Variants in SDK1 observed in about 807,000 individuals in gnomAD.
SDK1 encodes the protein sidekick cell adhesion molecule 1.
SDK1 carries 157 observed loss-of-function variants against 245.5 expected under a neutral mutation model. The observed-to-expected ratio is 0.64, with a 90% CI of 0.56 to 0.73. SDK1 has a LOEUF of 0.73. Ranked by LOEUF, SDK1 falls within the 30% of genes least tolerant of loss-of-function variation. The pLI, the probability that SDK1 is intolerant of heterozygous loss-of-function variation, is 0.00. For synonymous variants in SDK1, 1,647 were observed against 1,278.5 expected, an observed-to-expected ratio of 1.29 and a Z score of -6.15; for missense variants, 3,583 against 3,002.3, an observed-to-expected ratio of 1.19 and a Z score of -4.52.
intron 1 of SDK1, among the ~76,000 whole-genome samples, chr7:3,384,773 A>C (rs10233684): frequency 6.6e-6 from 1 of 152,080 alleles, no homozygotes; most frequent in Non-Finnish European, 1.5e-5. Flanking sequence ...GTATACATCA[A>C]TATGTACATT....
intron 4 of SDK1, among the ~76,000 whole-genome samples, chr7:3,717,715 A>G (rs1037784442): frequency 2.0e-5 from 3 of 152,200 alleles, no homozygotes; most frequent in African/African-American, 7.2e-5. Context: ...CCAAAAACTC[A>G]ACCTATAGAT....
At chr7:3,356,046 G>A (rs765030903) in intron 1 of SDK1, among the ~76,000 whole-genome samples, 1 of 152,202 alleles carries the variant, frequency 6.6e-6, no homozygotes, top group African/African-American at 2.4e-5. Context: ...GTTGCTGACA[G>A]ATAACACGGT....
intron 17 of SDK1, among the ~76,000 whole-genome samples, chr7:4,018,160 A>G (rs1786571054): frequency 6.6e-6 from 1 of 152,212 alleles, no homozygotes; most frequent in African/African-American, 2.4e-5. Context: ...TACTGAGTCT[A>G]AAATCCTTTT....
intron 5 of SDK1, among the ~76,000 whole-genome samples, chr7:3,869,621 C>T (rs1162727410): frequency 6.6e-6 from 1 of 152,208 alleles, no homozygotes; most frequent in African/African-American, 2.4e-5. Flanking sequence ...TTGCTCAGCA[C>T]TCGGCTTCCA....
intron 4 of SDK1, among the ~76,000 whole-genome samples, chr7:3,665,669 G>C (rs1783508214): frequency 6.6e-6 from 1 of 152,098 alleles, no homozygotes; most frequent in Non-Finnish European, 1.5e-5. Flanking sequence ...GTAGTATTTC[G>C]TGGTGACTGC....
chr7:4,197,369 T>C (rs1413609644), intron 35 of SDK1, among the ~76,000 whole-genome samples: 14 of 152,198 alleles, frequency 9.2e-5, no homozygotes, highest in African/African-American at 3.4e-4. Context: ...ATGCCTTTAG[T>C]TCCAGCTACT....
At chr7:3,775,077 C>T (rs779274687) in intron 4 of SDK1, among the ~76,000 whole-genome samples, 6 of 152,194 alleles carry the variant, frequency 3.9e-5, no homozygotes, top group Non-Finnish European at 7.3e-5. Flanking sequence ...TGTTGTCCCA[C>T]TCCTGTTCCT....
At chr7:4,138,759 A>AG (rs1227013530) in intron 28 of SDK1, among the ~76,000 whole-genome samples, 32 of 151,588 alleles carry the variant, frequency 2.1e-4, no homozygotes, top group African/African-American at 4.8e-4. Context: ...AAAAAAAAAA[A>AG]AGAGAGAGAA....
At chr7:3,763,399 A>G (rs990834655) in intron 4 of SDK1, among the ~76,000 whole-genome samples, 1 of 152,220 alleles carries the variant, frequency 6.6e-6, no homozygotes, top group Non-Finnish European at 1.5e-5. Flanking sequence ...GTGAACATCC[A>G]TATACTCACC....
intron 5 of SDK1, among the ~76,000 whole-genome samples, chr7:3,840,670 G>A (rs1780134394): frequency 2.0e-5 from 3 of 152,202 alleles, no homozygotes; most frequent in African/African-American, 7.2e-5. Flanking sequence ...TGATACTGCG[G>A]TTCACGGACA....
intron 4 of SDK1, among the ~76,000 whole-genome samples, chr7:3,689,666 G>T (rs968437279): frequency 6.6e-6 from 1 of 152,170 alleles, no homozygotes. Flanking sequence ...CTAGGCCTCA[G>T]ATTTCCTCTC....
At chr7:4,108,422 C>T (rs919749126) in intron 22 of SDK1, among the ~76,000 whole-genome samples, 1 of 150,704 alleles carries the variant, frequency 6.6e-6, no homozygotes, top group African/African-American at 2.5e-5. Flanking sequence ...AACTGGCTCA[C>T]TTTGGCTGAA....
In SDK1 at chr7:3,724,703, C is replaced by T. The variant is rs140454018; in HGVS notation, c.713+82598C>T. On this transcript the variant is annotated intron_variant, in intron 4 of 44. Transcript: ENST00000404826. ...TCTTCCATGAGGTGATTCAGAGACA[C>T]GGGCTGCTTGGGTCCTGCAGTTGTA... 2.8e-4 allele frequency among the ~76,000 whole-genome samples: 43 copies of T among 152,322 alleles called. No individual in the cohort carries two copies. In the East Asian group the frequency reaches 6.2e-3, roughly 22 times the overall value.
intron 3 of SDK1, among the ~76,000 whole-genome samples, chr7:3,640,049 A>G (rs1018543636): frequency 6.6e-6 from 1 of 151,898 alleles, no homozygotes; most frequent in Non-Finnish European, 1.5e-5. Context: ...TAGGGGAGGG[A>G]TCGCACTGCA....
chr7:4,192,572 G>C (rs1048392071), intron 35 of SDK1, among the ~76,000 whole-genome samples: 8 of 152,200 alleles, frequency 5.3e-5, no homozygotes, highest in African/African-American at 1.9e-4. Context: ...ACCGTGCCCA[G>C]CCAGTAAAGT....
intron 4 of SDK1, among the ~76,000 whole-genome samples, chr7:3,727,361 G>C (rs981166936): frequency 3.9e-5 from 6 of 152,146 alleles, no homozygotes; most frequent in Non-Finnish European, 7.4e-5. Flanking sequence ...CTGTATTCTG[G>C]AGAGAAAGTC....
intron 1 of SDK1, among the ~76,000 whole-genome samples, chr7:3,535,953 A>G (rs1778873015): frequency 6.6e-6 from 1 of 152,088 alleles, no homozygotes; most frequent in Admixed American, 6.5e-5. Flanking sequence ...ACTAGTCAAT[A>G]TCTAGTACTA....
intron 17 of SDK1, among the ~76,000 whole-genome samples, chr7:4,033,562 A>C (rs1787990906): frequency 6.6e-6 from 1 of 152,228 alleles, no homozygotes; most frequent in Non-Finnish European, 1.5e-5. Flanking sequence ...AAATCTTTGC[A>C]GTTTATATCC....
intron 4 of SDK1, among the ~76,000 whole-genome samples, chr7:3,723,664 G>A (rs1778894787): frequency 2.0e-5 from 3 of 151,114 alleles, no homozygotes; most frequent in Admixed American, 1.3e-4. Flanking sequence ...AAAGTTGTGT[G>A]TGTGTGTGTG....
Sources: gnomAD v4.1 joint callset for allele counts (sites outside exome capture counted in the v4.1 genomes callset) on GRCh38, gnomAD v4.1.1 for gene constraint, MANE v1.5 for transcripts, NCBI Gene and HGNC (gene_info 2026-07-23, HGNC 2026-07-21) for gene names.